ASIC2: variants seen among roughly 807,000 people sequenced by gnomAD.
ASIC2 encodes the protein acid-sensing ion channel 2.
A neutral mutation model predicts 57.3 loss-of-function variants in ASIC2; 25 were observed. The ratio of observed to expected loss-of-function variants is 0.44; its 90% confidence interval spans 0.32 to 0.61. ASIC2 has a LOEUF of 0.61. Ranked by LOEUF, ASIC2 falls within the 20% of genes least tolerant of loss-of-function variation. The probability of loss-of-function intolerance (pLI) is 0.06; values close to 1 mark genes in which losing one functional copy is unlikely to be tolerated. For synonymous variants in ASIC2, 319 were observed against 307.5 expected (o/e 1.04, Z -0.39); for missense variants, 641 against 738.1 (o/e 0.87, Z 1.52).
chr17:33,193,164 C>T (rs187872229), intron 1 of ASIC2, among the ~76,000 whole-genome samples: 2 of 152,182 alleles, frequency 1.3e-5, no homozygotes, highest in Non-Finnish European at 2.9e-5. Flanking sequence ...AGCAGGGAAA[C>T]CCTACTTAAC....
chr17:34,121,929 C>G (rs1345642449), intron 1 of ASIC2, among the ~76,000 whole-genome samples: 1 of 152,194 alleles, frequency 6.6e-6, no homozygotes. Context: ...AACCTTCTCC[C>G]TCCTATGATG....
chr17:33,460,910 CAG>C (rs1402635195), intron 1 of ASIC2, among the ~76,000 whole-genome samples: 2 of 152,222 alleles, frequency 1.3e-5, no homozygotes, highest in Non-Finnish European at 2.9e-5. Context: ...TTTCCAGAAA[CAG>C]AGCCAATGAC....
intron 1 of ASIC2, among the ~76,000 whole-genome samples, chr17:33,987,650 C>A (rs1031407427): frequency 1.7e-4 from 26 of 150,000 alleles, no homozygotes; most frequent in African/African-American, 6.6e-4. Context: ...GCCAACCAAC[C>A]AACTAACCAA....
At chr17:33,836,245 G>A (rs1215617326) in intron 1 of ASIC2, among the ~76,000 whole-genome samples, 2 of 151,058 alleles carry the variant, frequency 1.3e-5, no homozygotes, top group African/African-American at 2.4e-5. Flanking sequence ...CCAGGTAGCT[G>A]GGATTACAGG....
At chr17:33,190,124 C>T (rs922052622) in intron 1 of ASIC2, among the ~76,000 whole-genome samples, 5 of 152,068 alleles carry the variant, frequency 3.3e-5, no homozygotes, top group African/African-American at 7.2e-5. Flanking sequence ...AAATAATCAT[C>T]TACATAAAAA....
At chr17:33,302,522 G>A (rs187434190) in intron 1 of ASIC2, among the ~76,000 whole-genome samples, 343 of 152,196 alleles carry the variant, frequency 2.3e-3, no homozygotes, top group African/African-American at 7.9e-3. Flanking sequence ...AGAGATTTAA[G>A]GCCAAGCTGA....
At chr17:34,036,513 A>G (rs111820264) in intron 1 of ASIC2, among the ~76,000 whole-genome samples, 1 of 151,526 alleles carries the variant, frequency 6.6e-6, no homozygotes, top group African/African-American at 2.4e-5. Flanking sequence ...CCTAAAACTT[A>G]AAGTATAATA....
chr17:33,497,492 A>G (rs528513599), intron 1 of ASIC2, among the ~76,000 whole-genome samples: 1 of 152,296 alleles, frequency 6.6e-6, no homozygotes, highest in Non-Finnish European at 1.5e-5. Context: ...CTCGAAGGAA[A>G]GAGCTGGCAA....
chr17:33,836,003 A>G (rs900514567), intron 1 of ASIC2, among the ~76,000 whole-genome samples: 1 of 149,986 alleles, frequency 6.7e-6, no homozygotes, highest in Admixed American at 6.7e-5. Context: ...GCTAATAATT[A>G]TGTCTATCGT....
At chr17:34,051,057 T>C (rs1908536181) in intron 1 of ASIC2, among the ~76,000 whole-genome samples, 1 of 152,220 alleles carries the variant, frequency 6.6e-6, no homozygotes, top group Non-Finnish European at 1.5e-5. Context: ...TTAAGATTCT[T>C]TATTGTGCAA....
chr17:34,143,533 T>C (rs1912329182), intron 1 of ASIC2, among the ~76,000 whole-genome samples: 1 of 152,232 alleles, frequency 6.6e-6, no homozygotes, highest in Non-Finnish European at 1.5e-5. Context: ...TTTGCCTTTT[T>C]TGCATGCATC....
At chr17:33,242,152 A>T (rs958897670) in intron 1 of ASIC2, among the ~76,000 whole-genome samples, 7 of 152,050 alleles carry the variant, frequency 4.6e-5, no homozygotes, top group African/African-American at 1.7e-4. Context: ...CCCCGTCTCT[A>T]CTAAAAATAC....
chr17:33,628,445 C>T lies in ASIC2; in HGVS notation c.556-516378G>A, dbSNP rs142162032. On this transcript the variant is annotated intron_variant, in intron 1 of 9. Coordinates refer to the ASIC2 transcript ENST00000359872. The stretch of plus-strand genomic sequence containing the variant: ...TAGCTAGGACTACAGGTGCATGCCA[C>T]CATGCCTGGCTAGTTTTTAAATTTT... 6.6e-3 allele frequency among the ~76,000 whole-genome samples: 1,002 copies of T among 152,082 alleles called. 16 individuals carry two copies. Among genetic ancestry groups the T allele is most frequent in the African/African-American group, 0.022 (918 of 41,416 alleles).
chr17:33,882,810 G>C lies in ASIC2; in HGVS notation c.555+273168C>G, dbSNP rs138047517. Among the ~76,000 whole-genome samples, 827 of 152,232 alleles carry C rather than the reference G, an allele frequency of 5.4e-3. 3 individuals are homozygous for C. The highest frequency in any genetic ancestry group is 9.2e-3 in the Non-Finnish European group (628 of 68,028). On this transcript the variant is annotated intron_variant, in intron 1 of 9. Transcript: ENST00000359872. ...TGCTGCTATAAAGACACATGCACAC[G>C]TATGTTTATTGCGGTACTATTCACA...
chr17:33,445,624 C>T (rs1032741555), intron 1 of ASIC2, among the ~76,000 whole-genome samples: 6 of 151,554 alleles, frequency 4.0e-5, no homozygotes, highest in Non-Finnish European at 8.8e-5. Context: ...ATGGAGAAAC[C>T]CCATCTCTAC....
chr17:33,395,837 T>C (rs1394447890), intron 1 of ASIC2, among the ~76,000 whole-genome samples: 1 of 152,194 alleles, frequency 6.6e-6, no homozygotes, highest in Non-Finnish European at 1.5e-5. Flanking sequence ...ACTTTGGCAC[T>C]TACCAGTTGA....
Position 33,401,072 on chromosome 17 carries a change from C to T in ASIC2, c.556-289005G>A, listed in dbSNP as rs145437318. ...GAGTTGGCCATGTGAATGACATCGC[C>T]GTCTCAACACTCTAACAGAGGAGAA... is the stretch of plus-strand genomic sequence containing the variant. On this transcript the variant is annotated intron_variant, in intron 1 of 9. Transcript: ENST00000359872. Among the ~76,000 whole-genome samples the T allele has an allele frequency of 4.1e-4, 62 of 152,248 alleles. No individual in the cohort carries two copies. In the East Asian group the frequency reaches 9.8e-3, roughly 24 times the overall value.
intron 1 of ASIC2, among the ~76,000 whole-genome samples, chr17:33,806,111 A>T (rs866419258): frequency 6.6e-6 from 1 of 152,152 alleles, no homozygotes; most frequent in Non-Finnish European, 1.5e-5. Flanking sequence ...AAGCACCCAC[A>T]TTCATACTCA....
intron 1 of ASIC2, among the ~76,000 whole-genome samples, chr17:33,412,059 C>CAA (rs72204169): frequency 4.0e-5 from 6 of 151,540 alleles, no homozygotes; most frequent in Non-Finnish European, 5.9e-5. Flanking sequence ...ACCAAAAACA[C>CAA]ACAAAAAACA....
Sources: allele counts gnomAD v4.1 joint callset (sites outside exome capture counted in the v4.1 genomes callset), GRCh38; gene constraint gnomAD v4.1.1; transcripts MANE v1.5; gene names NCBI Gene and HGNC (gene_info 2026-07-23, HGNC 2026-07-21).